CMIP: variants seen among roughly 807,000 people sequenced by gnomAD.
CMIP encodes the protein c-Maf inducing protein.
CMIP carries 13 observed loss-of-function variants against 97.3 expected under a neutral mutation model. The ratio of observed to expected loss-of-function variants is 0.13; its 90% CI spans 0.09 to 0.21. CMIP has a LOEUF of 0.21. Among genes scored for constraint, CMIP ranks in the 10% least tolerant of loss-of-function variants. The probability of loss-of-function intolerance (pLI) is 1.00; values close to 1 mark genes in which losing one functional copy is unlikely to be tolerated. For synonymous variants in CMIP, 538 were observed against 436.3 expected, an observed-to-expected ratio of 1.23 and a Z score of -2.91; for missense variants, 847 against 1,024.9, an observed-to-expected ratio of 0.83 and a Z score of 2.37.
At chr16:81,628,098 T>C (rs1010450447) in intron 3 of CMIP, among the ~76,000 whole-genome samples, 1 of 152,068 alleles carries the variant, frequency 6.6e-6, no homozygotes, top group Non-Finnish European at 1.5e-5. Flanking sequence ...CTGAGGGCCA[T>C]GCTAGAAGGG....
rs1001490088 is a variant in CMIP, at chr16:81,678,586, C to T, written c.1346C>T (p.Ala449Val). The change falls in exon 10 of 21, where the codon GCC (alanine) becomes GTC (valine). Residue 449 changes from alanine (A) to valine (V), a missense_variant. By Grantham distance (64) the Ala-to-Val change is moderately conservative. Around this residue, in one of 4 missense-constraint regions of CMIP, gnomAD observed 202 missense variants for 168.7 expected, o/e 1.20. Transcript: ENST00000537098. ...STMSIELGPQ[A>V]DRTLGCYVEI... Reference sequence around the variant, plus strand: ...ATGAGCATCGAGCTGGGCCCCCAGGCCGACCGCACGCTCGGCTGCTACGTG... The same window carrying T: ...ATGAGCATCGAGCTGGGCCCCCAGGTCGACCGCACGCTCGGCTGCTACGTG... The T allele has an allele frequency of 1.9e-6, 3 of 1,603,196 alleles. No homozygotes were observed. Among genetic ancestry groups the T allele is most frequent in the Non-Finnish European group, 1.7e-6 (2 of 1,174,668 alleles).
At chr16:81,584,742 T>A (rs1000635131) in intron 1 of CMIP, among the ~76,000 whole-genome samples, 1 of 152,206 alleles carries the variant, frequency 6.6e-6, no homozygotes, top group African/African-American at 2.4e-5. Context: ...GAAATGACTT[T>A]CTGTTCTTGA....
chr16:81,659,910 T>G (rs891979688), intron 5 of CMIP, among the ~76,000 whole-genome samples: 7 of 152,380 alleles, frequency 4.6e-5, no homozygotes, highest in Non-Finnish European at 1.0e-4. Context: ...GTCATTATTA[T>G]GATGCCTTCT....
chr16:81,709,806 C>A lies in CMIP; in HGVS notation c.*7C>A. 1 of 1,613,756 alleles carries A rather than the reference C, an allele frequency of 6.2e-7. No homozygotes were observed. The highest frequency in any genetic ancestry group is 8.5e-7 in the Non-Finnish European group (1 of 1,179,782). ...CTACACCGAAGCCTGGTGAAGCTCC[C>A]AGCTCAAGGCAGGAAGACGTTTGCA... On this transcript the variant is annotated 3_prime_UTR_variant, in exon 21 of 21. Coordinates refer to ENST00000537098, the MANE Select transcript of CMIP (RefSeq NM_198390.3).
chr16:81,563,059 G>A (rs2090915319), intron 1 of CMIP, among the ~76,000 whole-genome samples: 1 of 152,186 alleles, frequency 6.6e-6, no homozygotes, highest in South Asian at 2.1e-4. Context: ...CCCTGGCAAG[G>A]CGCTGACCCG....
chr16:81,581,296 G>A (rs1050101857), intron 1 of CMIP, among the ~76,000 whole-genome samples: 13 of 152,170 alleles, frequency 8.5e-5, no homozygotes, highest in Middle Eastern at 3.2e-3. Flanking sequence ...CGGGAAGCGC[G>A]TAGTTAGGTG....
intron 3 of CMIP, among the ~76,000 whole-genome samples, chr16:81,628,666 G>A (rs1315699683): frequency 6.6e-6 from 1 of 152,132 alleles, no homozygotes; most frequent in Non-Finnish European, 1.5e-5. Flanking sequence ...GTACATGCAT[G>A]CATGTACACA....
At chr16:81,577,604 C>T (rs911667834) in intron 1 of CMIP, among the ~76,000 whole-genome samples, 3 of 148,462 alleles carry the variant, frequency 2.0e-5, no homozygotes, top group Admixed American at 2.0e-4. Flanking sequence ...TCCCCATTAC[C>T]ACTACATTAT....
chr16:81,647,444 G>A (rs2150998610), intron 3 of CMIP, among the ~76,000 whole-genome samples: 1 of 152,272 alleles, frequency 6.6e-6, no homozygotes, highest in Admixed American at 6.5e-5. Flanking sequence ...TTCACCGCAT[G>A]CTATAGTTCA....
intron 1 of CMIP, among the ~76,000 whole-genome samples, chr16:81,461,966 G>A (rs1906924708): frequency 6.6e-6 from 1 of 152,242 alleles, no homozygotes; most frequent in Admixed American, 6.5e-5. Context: ...TCATGGAGCT[G>A]GCTGCCCTCA....
At chr16:81,473,358 C>A (rs898428457) in intron 1 of CMIP, among the ~76,000 whole-genome samples, 1 of 152,158 alleles carries the variant, frequency 6.6e-6, no homozygotes, top group Admixed American at 6.5e-5. Flanking sequence ...ATGTCTGGGA[C>A]GGATTTCAGG....
At chr16:81,633,122 G>A (rs1351086336) in intron 3 of CMIP, among the ~76,000 whole-genome samples, 1 of 152,224 alleles carries the variant, frequency 6.6e-6, no homozygotes, top group Non-Finnish European at 1.5e-5. Context: ...GCCCTTTAAG[G>A]CAGAATTTTG....
intron 1 of CMIP, among the ~76,000 whole-genome samples, chr16:81,458,849 C>T (rs1255032795): frequency 6.6e-6 from 1 of 152,156 alleles, no homozygotes; most frequent in Non-Finnish European, 1.5e-5. Context: ...GGGGAGAATA[C>T]ATGGAATTCT....
rs999132089 is a variant in CMIP at position 81,664,720 on chromosome 16, G to C, written c.825+371G>C. ...GCGCACAGCGAGGTCCTTCCAGAGAGCACTGTATGGAAGGGGGCAGGAGTA... is the reference window on the plus strand; with the variant it reads ...GCGCACAGCGAGGTCCTTCCAGAGACCACTGTATGGAAGGGGGCAGGAGTA... On this transcript the variant is annotated intron_variant, in intron 7 of 20. Transcript: ENST00000537098. The C allele has an allele frequency of 1.8e-5, 8 of 437,786 alleles. No homozygotes were observed. In the Admixed American group the frequency reaches 2.5e-4, roughly 14 times the overall value. The allele number at this position is 437,786 out of a possible 1,614,324, so 27.1% of individuals were successfully genotyped here.
intron 1 of CMIP, among the ~76,000 whole-genome samples, chr16:81,452,056 C>G (rs1906251480): frequency 1.3e-5 from 2 of 152,180 alleles, no homozygotes; most frequent in Non-Finnish European, 2.9e-5. Context: ...AAGGAGATGG[C>G]AGAGAAAATA....
Position 81,475,627 on chromosome 16 carries a change from C to T in CMIP, c.300+30086C>T, listed in dbSNP as rs146108134. ...GTGAGAGCACAAAGATTCTAGGATA[C>T]TGTGAGCAAATGGGGCAGAGGGGTG... On this transcript the variant is annotated intron_variant, in intron 1 of 20. Transcript: ENST00000537098. 5.9e-5 allele frequency among the ~76,000 whole-genome samples: 9 copies of T among 152,272 alleles called. No homozygotes were observed. The South Asian group carries it at 1.9e-3, about 32-fold the overall frequency.
chr16:81,620,805 C>A, intron 2 of CMIP, 71 bp from the exon 3 acceptor site: 1 of 1,583,740 alleles, frequency 6.3e-7, no homozygotes, highest in Non-Finnish European at 8.7e-7. Context: ...GGCTCACATG[C>A]TGGCCTTGAA....
At chr16:81,681,753 G>A (rs533628566) in intron 10 of CMIP, among the ~76,000 whole-genome samples, 2 of 152,310 alleles carry the variant, frequency 1.3e-5, no homozygotes, top group South Asian at 2.1e-4. Flanking sequence ...AAATGCAGCC[G>A]TGGGCCTGAG....
In CMIP at chr16:81,652,903, C is replaced by T. The variant is rs951227611; in HGVS notation, c.639+539C>T. ...GCCATCTGCTTTGCTGGCCTCCTCG[C>T]ATATTGAATGTGTGCTTTGTGCCAG... On this transcript the variant is annotated intron_variant, in intron 4 of 20. Transcript: ENST00000537098. The surrounding 1 kb of genome is among the most constrained non-coding windows in gnomAD (Gnocchi z 5.2). Among the ~76,000 whole-genome samples the T allele has an allele frequency of 1.3e-5, 2 of 152,124 alleles. No homozygotes were observed. The highest frequency in any genetic ancestry group is 4.8e-5 in the African/African-American group (2 of 41,412).
Sources: allele counts gnomAD v4.1 joint callset (sites outside exome capture counted in the v4.1 genomes callset), GRCh38; gene constraint gnomAD v4.1.1; regional missense constraint gnomAD v4.1.1; non-coding constraint Gnocchi (gnomAD v3.1); transcripts MANE v1.5; gene names NCBI Gene and HGNC (gene_info 2026-07-23, HGNC 2026-07-21).